BTD: variants seen among roughly 807,000 people sequenced by gnomAD.
The protein encoded by BTD is biotinidase.
BTD carries 13 observed loss-of-function variants against 17.7 expected under a neutral mutation model. That is an observed-to-expected ratio of 0.74 (90% CI 0.48 to 1.17). BTD has a LOEUF of 1.17. Ranked by LOEUF, BTD falls within the 50% of genes most tolerant of loss-of-function variation. The pLI, the probability that BTD is intolerant of heterozygous loss-of-function variation, is 0.00. For synonymous variants in BTD, 240 were observed against 245.2 expected, an observed-to-expected ratio of 0.98 and a Z score of 0.20; for missense variants, 674 against 650.4, an observed-to-expected ratio of 1.04 and a Z score of -0.39.
In BTD at chr3:15,605,033, C is replaced by G. The variant is rs149485856; in HGVS notation, c.-17+3139C>G. On this transcript the variant is annotated intron_variant, in intron 1 of 3. Transcript: ENST00000643237. ...TTCTGAGCCCTCCAAACTGTTCCAA[C>G]TTCTGCCAGTTACCCAGTTCCAAAG... 2.7e-4 allele frequency among the ~76,000 whole-genome samples: 41 copies of G among 152,368 alleles called. 4 individuals are homozygous for G. In the East Asian group the frequency reaches 7.7e-3, roughly 29 times the overall value.
chr3:15,628,289 C>T (rs116536454), intron 1 of BTD, among the ~76,000 whole-genome samples: 7,290 of 152,336 alleles, frequency 0.048, 241 homozygotes, highest in Non-Finnish European at 0.071. Flanking sequence ...ATGTTGCATC[C>T]ACCATACATC....
chr3:15,642,968 C>T (rs964488511), intron 3 of BTD, among the ~76,000 whole-genome samples: 2 of 146,528 alleles, frequency 1.4e-5, no homozygotes, highest in South Asian at 2.1e-4. Flanking sequence ...GCAGGAGTTG[C>T]GGTGAGAAAG....
intron 1 of BTD, among the ~76,000 whole-genome samples, chr3:15,620,334 C>A (rs982996625): frequency 6.6e-6 from 1 of 152,118 alleles, no homozygotes; most frequent in Non-Finnish European, 1.5e-5. Flanking sequence ...CCCCCAGGAG[C>A]GCATTCCTTT....
At chr3:15,654,209 T>C (rs1054709515), downstream of BTD, among the ~76,000 whole-genome samples, 5 of 152,170 alleles carry the variant, frequency 3.3e-5, no homozygotes, top group African/African-American at 9.7e-5. Flanking sequence ...TAAGGCAACA[T>C]TGGGCACTGG....
At chr3:15,643,047 A>AAT (rs2065577167) in intron 3 of BTD, among the ~76,000 whole-genome samples, 1 of 79,690 alleles carries the variant, frequency 1.3e-5, no homozygotes. Context: ...AAAAAAAATA[A>AAT]AATAAAATAA....
chr3:15,662,629 A>G (rs1022560359), intron 3 of BTD, among the ~76,000 whole-genome samples: 1 of 152,064 alleles, frequency 6.6e-6, no homozygotes, highest in African/African-American at 2.4e-5. Context: ...AACTTTCAGT[A>G]TGATGTTGAA....
At chr3:15,684,175 T>C (rs1055050372) in intron 3 of BTD, 2 of 152,242 alleles carry the variant, frequency 1.3e-5, no homozygotes, top group African/African-American at 4.8e-5. Flanking sequence ...TTTTCTAAGA[T>C]GATCAAATCT....
intron 3 of BTD, chr3:15,690,004 T>C: frequency 1.9e-6 from 3 of 1,586,884 alleles, no homozygotes; most frequent in Non-Finnish European, 2.6e-6. Flanking sequence ...AAATCAAGCA[T>C]AATATCTGGC....
intron 3 of BTD, among the ~76,000 whole-genome samples, chr3:15,700,960 A>C (rs1264401797): frequency 3.3e-5 from 5 of 152,214 alleles, no homozygotes; most frequent in Admixed American, 3.3e-4. Context: ...TCAAATTCCA[A>C]GTCTATAATT....
rs1458651258 is a variant in BTD, at chr3:15,645,047, G to A, written c.1131G>A (p.Glu377=). The change falls in exon 4 of 4, where the codon GAG becomes GAA. Residue 377 remains glutamate (E), a synonymous_variant. Transcript: ENST00000643237. The stretch of plus-strand genomic sequence containing the variant: ...ATGCTCCTCCCACATTTCACTCTGA[G>A]ATGATGTATGACAATTTCACCCTGG... ...NVNAPPTFHS[E]MMYDNFTLVP... 2.5e-6 allele frequency: 4 copies of A among 1,614,098 alleles called. No individual in the cohort carries two copies. In the African/African-American group the frequency reaches 5.3e-5, roughly 22 times the overall value.
rs946525644 is a variant in BTD, at chr3:15,644,486, C to A, written c.570C>A (p.Tyr190Ter). 2 of 1,614,068 alleles carry A rather than the reference C, an allele frequency of 1.2e-6. No individual in the cohort carries two copies. Among genetic ancestry groups the A allele is most frequent in the African/African-American group, 1.3e-5 (1 of 74,920 alleles). Residue 190 changes from tyrosine to a stop codon, truncating the protein, a stop_gained, in exon 4 of 4, where the codon TAC becomes TAA. Transcript: ENST00000643237. LOFTEE classifies it low-confidence loss of function (END_TRUNC). ...ATAATGGAACCCTTGTTGACCGCTA[C>A]CGTAAACACAACCTCTACTTTGAGG... ...FSNNGTLVDR[Y>*]RKHNLYFEAA...
At chr3:15,632,290 G>A (rs967437080) in intron 1 of BTD, among the ~76,000 whole-genome samples, 2 of 152,212 alleles carry the variant, frequency 1.3e-5, no homozygotes, top group Admixed American at 1.3e-4. Context: ...CCACGAGGAA[G>A]GGTCTGTCTT....
intron 3 of BTD, among the ~76,000 whole-genome samples, chr3:15,691,376 G>A (rs1343560892): frequency 6.6e-6 from 1 of 152,154 alleles, no homozygotes; most frequent in African/African-American, 2.4e-5. Flanking sequence ...GCCCGCCTCG[G>A]CCTCCCAAAG....
chr3:15,697,873 T>G (rs531814641), intron 3 of BTD, among the ~76,000 whole-genome samples: 10 of 152,304 alleles, frequency 6.6e-5, no homozygotes, highest in Admixed American at 1.3e-4. Context: ...GACTTTTATT[T>G]GTTTGGTAGG....
At chr3:15,671,957 T>C (rs998779197) in intron 3 of BTD, among the ~76,000 whole-genome samples, 1 of 152,124 alleles carries the variant, frequency 6.6e-6, no homozygotes. Flanking sequence ...TCTGGCATTT[T>C]TGTGTAGCAT....
downstream of BTD, among the ~76,000 whole-genome samples, chr3:15,717,448 T>C (rs2073200602): frequency 6.6e-6 from 1 of 152,080 alleles, no homozygotes; most frequent in Admixed American, 6.6e-5. Flanking sequence ...TATTTCTTTC[T>C]GAACTGGAGA....
chr3:15,690,160 C>T (rs185208041), intron 3 of BTD: 1 of 1,609,264 alleles, frequency 6.2e-7, no homozygotes, highest in Non-Finnish European at 8.5e-7. Flanking sequence ...CTATTTCTGA[C>T]ATCAAGATCT....
chr3:15,642,210 T>A (rs2065530623), intron 3 of BTD, 153 bp downstream of exon 3: 1 of 1,497,256 alleles, frequency 6.7e-7, no homozygotes, highest in African/African-American at 1.4e-5. Flanking sequence ...TGCCACATGT[T>A]CATTCCATTA....
Position 15,638,372 on chromosome 3 carries a change from G to T in BTD, c.249+2684G>T, listed in dbSNP as rs113605268. Among the ~76,000 whole-genome samples, 600 of 152,216 alleles carry T rather than the reference G, an allele frequency of 3.9e-3. 2 individuals carry two copies. Among genetic ancestry groups the T allele is most frequent in the African/African-American group, 0.013 (551 of 41,536 alleles). On this transcript the variant is annotated intron_variant, in intron 2 of 3. Coordinates refer to ENST00000643237, the MANE Select transcript of BTD (RefSeq NM_001370658.1). ...AGCCTCCAGAGAAATCCCAGAACAC[G>T]CAGCCCTGACGTATTAATACCCTGC...
Sources: gnomAD v4.1 joint callset for allele counts (sites outside exome capture counted in the v4.1 genomes callset) on GRCh38, gnomAD v4.1.1 for gene constraint, MANE v1.5 for transcripts, NCBI Gene and HGNC (gene_info 2026-07-23, HGNC 2026-07-21) for gene names.